The following ESRRB variants were observed in gnomAD, a reference collection of about 807,000 sequenced individuals.
ESRRB encodes the protein estrogen related receptor beta, also known as steroid hormone receptor ERR2.
ESRRB carries 16 observed loss-of-function variants against 46.0 expected under a neutral mutation model. The ratio of observed to expected loss-of-function variants is 0.35; its 90% CI spans 0.24 to 0.53. ESRRB has a LOEUF of 0.53. Among genes scored for constraint, ESRRB ranks in the 20% least tolerant of loss-of-function variants. The pLI is 0.93. For missense variants in ESRRB, 488 were observed against 607.4 expected (o/e 0.80, Z 2.07); for synonymous variants, 246 against 259.6 (o/e 0.95, Z 0.50).
chr14:76,379,662 C>A (rs1231820904), intron 1 of ESRRB, among the ~76,000 whole-genome samples: 1 of 152,100 alleles, frequency 6.6e-6, no homozygotes, highest in Non-Finnish European at 1.5e-5. Flanking sequence ...GTGTTCAGGC[C>A]TGAAGGCGAT....
rs201978139 is a variant in ESRRB, at chr14:76,324,968, T to TC, written c.2+14052_2+14053insC. ...TTTCTTTTCTTTTTCTTTTTCTTTT[T>TC]TTTTTTTTTTTTTTTTGAGACAGAG... On this transcript the variant is annotated intron_variant, in intron 1 of 6. Transcript: ENST00000512784. 8.6e-4 allele frequency among the ~76,000 whole-genome samples: 90 copies of TC among 104,542 alleles called. 1 individual carries two copies. Among genetic ancestry groups the TC allele is most frequent in the African/African-American group, 2.6e-3 (85 of 32,996 alleles). The allele number at this position is 104,542 out of a possible 152,430, so 68.6% of individuals were successfully genotyped here. A position where few individuals can be genotyped will look rare whatever the true frequency, so the allele number is the denominator to read the frequency against.
chr14:76,479,605 G>C (rs148016170), intron 3 of ESRRB, among the ~76,000 whole-genome samples: 1 of 152,278 alleles, frequency 6.6e-6, no homozygotes, highest in Non-Finnish European at 1.5e-5. Context: ...GGAGAGCCCA[G>C]GAGCAGGAAA....
intron 3 of ESRRB, among the ~76,000 whole-genome samples, chr14:76,467,576 T>C (rs531813400): frequency 6.6e-6 from 1 of 152,070 alleles, no homozygotes; most frequent in East Asian, 1.9e-4. Context: ...TTCATCAGTC[T>C]GCCCCTTGTG....
chr14:76,491,398 G>T, intron 5 of ESRRB, 49 bp from the exon 6 acceptor site: 1 of 1,595,506 alleles, frequency 6.3e-7, no homozygotes, highest in Non-Finnish European at 8.5e-7. Context: ...GAGGCCCCTG[G>T]TCCGCCCTCC....
chr14:76,462,510 C>G, intron 2 of ESRRB, 35 bp from the exon 3 acceptor site: 1 of 1,573,592 alleles, frequency 6.4e-7, no homozygotes, highest in Non-Finnish European at 8.7e-7. Flanking sequence ...CCTGGGCGGC[C>G]AGCACCCGGC....
chr14:76,322,312 C>G (rs953816281), intron 1 of ESRRB, among the ~76,000 whole-genome samples: 2 of 152,160 alleles, frequency 1.3e-5, no homozygotes, highest in African/African-American at 2.4e-5. Context: ...TTCCATAAGT[C>G]AGTTTCTAAA....
intron 1 of ESRRB, among the ~76,000 whole-genome samples, chr14:76,418,908 C>T (rs1336279398): frequency 1.3e-5 from 2 of 152,102 alleles, no homozygotes; most frequent in Non-Finnish European, 2.9e-5. Flanking sequence ...TGTGAGCCAC[C>T]GCATCCAGCC....
In ESRRB at chr14:76,501,009, C is replaced by T; in HGVS notation, c.*2551C>T. ...CAGGGGCCAACTTCTTAGCTGGAAT[C>T]CTGGCCAGATGAGGACCCTCTCCGG... On this transcript the variant is annotated 3_prime_UTR_variant, in exon 7 of 7. Transcript: ENST00000644823. The T allele has an allele frequency of 1.9e-6, 1 of 514,686 alleles. No homozygotes were observed. Among genetic ancestry groups the T allele is most frequent in the Non-Finnish European group, 3.5e-6 (1 of 285,346 alleles). 31.9% of individuals were successfully genotyped at this position (514,686 alleles called of 1,614,324 possible).
chr14:76,407,365 T>TG (rs1337247101), intron 1 of ESRRB: 2 of 159,644 alleles, frequency 1.3e-5, no homozygotes, highest in Admixed American at 6.6e-5. Context: ...CAATGCAATG[T>TG]GACCCTAGAG....
chr14:76,397,114 A>C (rs1885720666), intron 1 of ESRRB, among the ~76,000 whole-genome samples: 1 of 152,226 alleles, frequency 6.6e-6, no homozygotes, highest in South Asian at 2.1e-4. Context: ...GTCTTCTGAC[A>C]CCAATTCCCC....
intron 1 of ESRRB, among the ~76,000 whole-genome samples, chr14:76,346,454 T>C (rs1403464981): frequency 6.6e-6 from 1 of 152,146 alleles, no homozygotes; most frequent in Non-Finnish European, 1.5e-5. Flanking sequence ...ACCCTTAGTG[T>C]CCTGGGTTTG....
At chr14:76,356,605 A>T (rs1026257810) in intron 1 of ESRRB, among the ~76,000 whole-genome samples, 2 of 151,816 alleles carry the variant, frequency 1.3e-5, no homozygotes, top group African/African-American at 4.8e-5. Context: ...ACGTGACCCC[A>T]CTGACCTCAC....
At chr14:76,485,665 AAGAGAG>A (rs1210268066) in intron 5 of ESRRB, among the ~76,000 whole-genome samples, 1 of 132,688 alleles carries the variant, frequency 7.5e-6, no homozygotes, top group Non-Finnish European at 1.6e-5. Context: ...GAGAGAAAGA[AAGAGAG>A]AGAGAGAGAG....
intron 1 of ESRRB, among the ~76,000 whole-genome samples, chr14:76,349,111 G>A (rs1043665741): frequency 2.6e-5 from 4 of 152,146 alleles, no homozygotes; most frequent in African/African-American, 9.7e-5. Context: ...CTGTGACCAG[G>A]GGGGTCACAG....
intron 2 of ESRRB, among the ~76,000 whole-genome samples, chr14:76,455,252 TCA>T (rs1352408274): frequency 1.3e-5 from 2 of 152,050 alleles, no homozygotes; most frequent in Non-Finnish European, 2.9e-5. Context: ...TAATGAAGGA[TCA>T]CAGTCACTGG....
At chr14:76,350,567 C>T (rs759379674) in intron 1 of ESRRB, among the ~76,000 whole-genome samples, 1 of 152,178 alleles carries the variant, frequency 6.6e-6, no homozygotes, top group African/African-American at 2.4e-5. Flanking sequence ...CTGAGTCACT[C>T]CCCAGTTTTC....
At chr14:76,358,014 T>A (rs1595053782) in intron 1 of ESRRB, among the ~76,000 whole-genome samples, 2 of 149,736 alleles carry the variant, frequency 1.3e-5, no homozygotes, top group South Asian at 2.1e-4. Flanking sequence ...TCCTGCAATT[T>A]AAAAAAAAAA....
At chr14:76,366,883 T>C (rs1207494800), upstream of ESRRB, among the ~76,000 whole-genome samples, 1 of 152,140 alleles carries the variant, frequency 6.6e-6, no homozygotes, top group Non-Finnish European at 1.5e-5. Flanking sequence ...AGTGAGTCTG[T>C]AACTGGGTGC....
chr14:76,311,494 T>TCCCTC (rs1883733183), intron 1 of ESRRB, among the ~76,000 whole-genome samples: 2 of 152,142 alleles, frequency 1.3e-5, no homozygotes, highest in African/African-American at 4.8e-5. Flanking sequence ...GTAAATGATT[T>TCCCTC]TCCCTCTCCC....
Sources: allele counts gnomAD v4.1 joint callset (sites outside exome capture counted in the v4.1 genomes callset), GRCh38; gene constraint gnomAD v4.1.1; transcripts MANE v1.5; gene names NCBI Gene and HGNC (gene_info 2026-07-23, HGNC 2026-07-21).